LONP2: variants seen among roughly 807,000 people sequenced by gnomAD.
LONP2 encodes the protein lon peptidase 2, peroxisomal.
Under a neutral mutation model 85.6 loss-of-function variants are expected in LONP2, and 60 were observed. The observed-to-expected ratio is 0.70, with a 90% CI of 0.57 to 0.87. The LOEUF (loss-of-function observed/expected upper bound fraction) is 0.87, where lower values mean the gene tolerates loss of function less well. LONP2 is among the 40% of genes least tolerant of loss of function. LONP2 has a pLI of 0.00. For missense variants in LONP2, 860 were observed against 1,063.5 expected (o/e 0.81, Z 2.66); for synonymous variants, 395 against 389.7 (o/e 1.01, Z -0.16).
At chr16:48,324,956 C>T (rs189839104) in intron 11 of LONP2, among the ~76,000 whole-genome samples, 33 of 152,204 alleles carry the variant, frequency 2.2e-4, no homozygotes, top group Non-Finnish European at 2.9e-5. Flanking sequence ...ATTCTCTATT[C>T]TAGCTATTTT....
chr16:48,361,120 AAGCACACAGC>A (rs1003760344), downstream of LONP2: 22 of 153,264 alleles, frequency 1.4e-4, no homozygotes, highest in African/African-American at 5.1e-4. Context: ...CACACAAAAA[AAGCACACAGC>A]AGCACTATGT....
At chr16:48,285,848 A>G (rs1972428440) in intron 8 of LONP2, among the ~76,000 whole-genome samples, 1 of 152,150 alleles carries the variant, frequency 6.6e-6, no homozygotes, top group South Asian at 2.1e-4. Context: ...CAGTTCAGTA[A>G]TGTTAAGCAC....
Position 48,362,815 on chromosome 16 carries a change from CTATT to C in LONP2, c.*954_*957del, listed in dbSNP as rs1236935236. 1.0e-5 allele frequency: 2 copies of C among 197,780 alleles called. No individual in the cohort carries two copies. Among genetic ancestry groups the C allele is most frequent in the Non-Finnish European group, 2.3e-5 (2 of 87,350 alleles). 12.3% of individuals were successfully genotyped at this position (197,780 alleles called of 1,614,324 possible). A position where few individuals can be genotyped will look rare whatever the true frequency, so the allele number is the denominator to read the frequency against. On this transcript the variant is annotated 3_prime_UTR_variant, in exon 5 of 5. Transcript: ENST00000565867. The surrounding 1 kb of genome is among the most constrained non-coding windows in gnomAD (Gnocchi z 4.2). ...GGACTCTCCCTGAGGCTCCCTTACTCTATTTCTTTCTAATTTGGAGTCAGCTGTT... is the reference window on the plus strand; with the variant it reads ...GGACTCTCCCTGAGGCTCCCTTACTCTCTTTCTAATTTGGAGTCAGCTGTT...
At chr16:48,264,313 G>C (rs922564821) in intron 6 of LONP2, among the ~76,000 whole-genome samples, 2 of 146,664 alleles carry the variant, frequency 1.4e-5, no homozygotes, top group African/African-American at 5.4e-5. Context: ...GGTACGCCCC[G>C]GGGGGGCCAG....
intron 9 of LONP2, among the ~76,000 whole-genome samples, chr16:48,297,976 A>C (rs908768622): frequency 5.9e-5 from 9 of 152,264 alleles, no homozygotes; most frequent in Middle Eastern, 3.4e-3. Flanking sequence ...TGGATTTCTT[A>C]ATTATCTGTG....
chr16:48,328,627 G>A (rs1006126221), intron 11 of LONP2, among the ~76,000 whole-genome samples: 15 of 147,542 alleles, frequency 1.0e-4, no homozygotes, highest in East Asian at 4.0e-4. Flanking sequence ...GCAGTGAGCC[G>A]AGATCACACC....
chr16:48,340,149 A>G (rs1959771744), intron 12 of LONP2, among the ~76,000 whole-genome samples: 1 of 152,196 alleles, frequency 6.6e-6, no homozygotes, highest in Admixed American at 6.5e-5. Context: ...GCCAGCTGCC[A>G]TAAGCAGGGG....
chr16:48,330,798 T>A (rs1959414874), intron 11 of LONP2, among the ~76,000 whole-genome samples: 1 of 152,110 alleles, frequency 6.6e-6, no homozygotes, highest in Non-Finnish European at 1.5e-5. Flanking sequence ...GAAATGCAGA[T>A]TATTTTTGAG....
At chr16:48,344,165 T>G (rs1959897262) in intron 12 of LONP2, 1 of 152,238 alleles carries the variant, frequency 6.6e-6, no homozygotes, top group Non-Finnish European at 1.5e-5. Flanking sequence ...AAGCAGCATG[T>G]GTCTTACCCT....
downstream of LONP2, chr16:48,361,814 G>A (rs1258444382): frequency 2.5e-6 from 4 of 1,614,160 alleles, no homozygotes; most frequent in Non-Finnish European, 3.4e-6. Flanking sequence ...CGATTGCGAA[G>A]AACTGCTGGT....
intron 8 of LONP2, among the ~76,000 whole-genome samples, chr16:48,288,404 C>T (rs759786843): frequency 4.6e-5 from 7 of 152,060 alleles, no homozygotes; most frequent in Non-Finnish European, 7.4e-5. Flanking sequence ...CCATCCGCCT[C>T]GGCCTCCCAA....
At chr16:48,260,643 A>G (rs1971855971) in intron 4 of LONP2, among the ~76,000 whole-genome samples, 1 of 152,246 alleles carries the variant, frequency 6.6e-6, no homozygotes, top group Non-Finnish European at 1.5e-5. Flanking sequence ...ATGCTAGTAT[A>G]TAATTTTGCT....
At chr16:48,261,281 C>T in intron 4 of LONP2, 143 bp from the exon 5 acceptor site, 2 of 566,542 alleles carry the variant, frequency 3.5e-6, no homozygotes, top group South Asian at 4.0e-5. Context: ...TTTTGATTAT[C>T]ATTCTGAACT....
chr16:48,258,192 A>G (rs768618493), intron 3 of LONP2, among the ~76,000 whole-genome samples: 4 of 151,986 alleles, frequency 2.6e-5, no homozygotes, highest in African/African-American at 4.8e-5. Context: ...CTAAAAATAC[A>G]AAAAATTAGC....
intron 12 of LONP2, among the ~76,000 whole-genome samples, chr16:48,336,854 A>G (rs1959664685): frequency 6.6e-6 from 1 of 152,196 alleles, no homozygotes; most frequent in South Asian, 2.1e-4. Flanking sequence ...GAGGCCTGAC[A>G]TCGTGTTTTG....
chr16:48,286,565 C>G (rs548097486), intron 8 of LONP2, among the ~76,000 whole-genome samples: 1 of 152,220 alleles, frequency 6.6e-6, no homozygotes, highest in East Asian at 1.9e-4. Context: ...TGCAGTGGCG[C>G]ACTCATGGCT....
intron 8 of LONP2, among the ~76,000 whole-genome samples, chr16:48,286,629 C>T (rs532843274): frequency 1.6e-4 from 25 of 152,118 alleles, no homozygotes; most frequent in African/African-American, 4.8e-4. Context: ...CTCAGCCTCC[C>T]GAGTAGCTGG....
chr16:48,323,703 T>C (rs1419692505), intron 11 of LONP2, among the ~76,000 whole-genome samples: 1 of 151,300 alleles, frequency 6.6e-6, no homozygotes, highest in Non-Finnish European at 1.5e-5. Flanking sequence ...CTCACAGTCA[T>C]AACTTCCATC....
At chr16:48,275,846 T>C (rs1321728661) in intron 7 of LONP2, among the ~76,000 whole-genome samples, 1 of 152,066 alleles carries the variant, frequency 6.6e-6, no homozygotes, top group Non-Finnish European at 1.5e-5. Flanking sequence ...TTATATACAG[T>C]GTGAGTAGAA....
Sources: allele counts gnomAD v4.1 joint callset (sites outside exome capture counted in the v4.1 genomes callset), GRCh38; gene constraint gnomAD v4.1.1; non-coding constraint Gnocchi (gnomAD v3.1); transcripts MANE v1.5; gene names NCBI Gene and HGNC (gene_info 2026-07-23, HGNC 2026-07-21).